The following FERMT1 variants were observed in gnomAD, a reference collection of about 807,000 sequenced individuals.
FERMT1 encodes fermitin family homolog 1.
In FERMT1, 60 loss-of-function variants were observed where a neutral mutation model predicts 85.3. The observed-to-expected ratio is 0.70, with a 90% confidence interval of 0.57 to 0.87. The LOEUF is 0.87. Among genes scored for constraint, FERMT1 ranks in the 40% least tolerant of loss-of-function variants. FERMT1 has a pLI of 0.00. For missense variants in FERMT1, 701 were observed against 818.9 expected (o/e 0.86, Z 1.76); for synonymous variants, 275 against 301.1 (o/e 0.91, Z 0.90).
chr20:6,079,371 A>G (rs1401445165), intron 14 of FERMT1, 65 bp downstream of exon 14: 1 of 1,511,444 alleles, frequency 6.6e-7, no homozygotes, highest in African/African-American at 1.4e-5. Flanking sequence ...ACTCAGAATA[A>G]TCTGCAATTC....
At chr20:6,085,827 C>T (rs376183847) in intron 11 of FERMT1, among the ~76,000 whole-genome samples, 5 of 145,700 alleles carry the variant, frequency 3.4e-5, no homozygotes, top group Non-Finnish European at 4.5e-5. Context: ...CGAGCCTGGG[C>T]GACAGAACAA....
chr20:6,100,798 AT>A (rs1982641064), intron 6 of FERMT1, among the ~76,000 whole-genome samples: 1 of 152,234 alleles, frequency 6.6e-6, no homozygotes, highest in Non-Finnish European at 1.5e-5. Context: ...ATGGTAAAAA[AT>A]ATCCTAAAGA....
At chr20:6,113,036 CA>C (rs1983001130) in intron 3 of FERMT1, among the ~76,000 whole-genome samples, 1 of 151,998 alleles carries the variant, frequency 6.6e-6, no homozygotes, top group African/African-American at 2.4e-5. Flanking sequence ...TGTCTCCACC[CA>C]AATCTCATCT....
chr20:6,088,626 CTTTTTT>C lies in FERMT1; in HGVS notation c.1264+333_1264+338del, dbSNP rs11475498. ...AACCCTGACTTTAATCTGCTCACCT[CTTTTTT>C]TTTTTTTTTTTTTGGAGACAGAGTC... On this transcript the variant is annotated intron_variant, in intron 10 of 14. Coordinates refer to ENST00000217289, the MANE Select transcript of FERMT1 (RefSeq NM_017671.5). Among the ~76,000 whole-genome samples, 245 of 121,176 alleles carry C rather than the reference CTTTTTT, an allele frequency of 2.0e-3. 2 individuals carry two copies. Among genetic ancestry groups the C allele is most frequent in the South Asian group, 6.5e-3 (22 of 3,380 alleles). The allele number at this position is 121,176 out of a possible 152,430, so 79.5% of individuals were successfully genotyped here.
intron 13 of FERMT1, among the ~76,000 whole-genome samples, chr20:6,080,178 G>A (rs1229407765): frequency 6.6e-6 from 1 of 152,134 alleles, no homozygotes; most frequent in Non-Finnish European, 1.5e-5. Context: ...TGTGCTTAAG[G>A]ACCTGCCAGG....
At chr20:6,120,716 A>C (rs1441287616) in intron 1 of FERMT1, among the ~76,000 whole-genome samples, 1 of 152,230 alleles carries the variant, frequency 6.6e-6, no homozygotes, top group Non-Finnish European at 1.5e-5. Flanking sequence ...CAATGCACTC[A>C]AACTCCTAAG....
chr20:6,120,460 G>A (rs1237796879), intron 1 of FERMT1: 1 of 152,168 alleles, frequency 6.6e-6, no homozygotes, highest in Non-Finnish European at 1.5e-5. Context: ...AGGAAAGAAC[G>A]TTCACAACTG....
intron 9 of FERMT1, 64 bp from the exon 10 acceptor site, chr20:6,089,153 T>C: frequency 6.6e-7 from 1 of 1,521,258 alleles, no homozygotes; most frequent in Non-Finnish European, 9.1e-7. Flanking sequence ...CGCTGCAGAT[T>C]TCAAGCAGAT....
chr20:6,083,949 ATATTC>A, intron 13 of FERMT1, 86 bp downstream of exon 13: 1 of 1,447,078 alleles, frequency 6.9e-7, no homozygotes, highest in Admixed American at 1.7e-5. Context: ...AAAGCATTCT[ATATTC>A]TATGCTAAAT....
At chr20:6,087,690 T>G in intron 11 of FERMT1, 87 bp downstream of exon 11, 1 of 782,608 alleles carries the variant, frequency 1.3e-6, no homozygotes, top group East Asian at 2.4e-5. Context: ...GACACAATAG[T>G]GCTCTAAATT....
At position 6,087,865 on chromosome 20, in the gene FERMT1, T is replaced by C. The variant is rs1024649221; in HGVS notation, c.1283A>G (p.Asp428Gly). ...AAATTTTCTTCCTGCTACATTTACA[T>C]CGGGCACAACTTCGCAGCCTGAAGG... ...LNLRGCEVVP[D>G]VNVAGRKFGI... The change falls in exon 11 of 15, where the codon GAT becomes GGT. Residue 428 changes from aspartate to glycine, a missense_variant. By Grantham distance (94) the Asp-to-Gly change is moderately conservative. Transcript: ENST00000217289. 2.5e-6 allele frequency: 4 copies of C among 1,608,966 alleles called. No individual in the cohort carries two copies. The African/African-American group carries it at 5.3e-5, about 22-fold the overall frequency.
chr20:6,078,082 G>A (rs1372466360), intron 14 of FERMT1, among the ~76,000 whole-genome samples: 2 of 152,196 alleles, frequency 1.3e-5, no homozygotes, highest in African/African-American at 4.8e-5. Context: ...CTAGAAGAAA[G>A]ACTTAGAGAC....
chr20:6,105,437 C>T (rs546544096), intron 6 of FERMT1, among the ~76,000 whole-genome samples: 20 of 152,176 alleles, frequency 1.3e-4, no homozygotes, highest in Non-Finnish European at 2.8e-4. Flanking sequence ...TGCTAAACCA[C>T]AGCATTGCAG....
intron 7 of FERMT1, 86 bp from the exon 8 acceptor site, chr20:6,097,119 G>T (rs1982526093): frequency 7.4e-7 from 1 of 1,342,702 alleles, no homozygotes; most frequent in South Asian, 1.2e-5. Context: ...TTTTCTTTGA[G>T]GACTATTCCC....
chr20:6,112,766 A>T (rs1221373633), intron 3 of FERMT1, 143 bp from the exon 4 acceptor site: 4 of 580,530 alleles, frequency 6.9e-6, no homozygotes, highest in African/African-American at 5.6e-5. Context: ...CTTTTGAAGA[A>T]ACAGAAGGGG....
chr20:6,077,434 G>A, intron 14 of FERMT1, 88 bp from the exon 15 acceptor site: 3 of 1,293,930 alleles, frequency 2.3e-6, no homozygotes, highest in Non-Finnish European at 3.3e-6. Context: ...CTGGAGCTGA[G>A]GGCTGCTGAG....
rs1286714294 is a variant in FERMT1, at chr20:6,085,307, G to A, written c.1372-20C>T. On this transcript the variant is annotated intron_variant, in intron 11 of 14. Transcript: ENST00000217289. ...ATTCTCCTGCAGCAAACAGAAGGTT[G>A]AGAAGCAAGCTCAAGTGCAAAGCCC... is the stretch of plus-strand genomic sequence containing the variant. The A allele has an allele frequency of 6.2e-7, 1 of 1,610,166 alleles. No homozygotes were observed. The highest frequency in any genetic ancestry group is 8.5e-7 in the Non-Finnish European group (1 of 1,177,820).
intron 3 of FERMT1, 114 bp from the exon 4 acceptor site, chr20:6,112,737 A>T: frequency 2.7e-6 from 2 of 742,812 alleles, no homozygotes; most frequent in Non-Finnish European, 4.2e-6. Flanking sequence ...TGAAAAGTAA[A>T]TGGGACTAAA....
At chr20:6,119,756 T>C (rs2123158528) in intron 1 of FERMT1, among the ~76,000 whole-genome samples, 184 bp from the exon 2 acceptor site, 1 of 152,314 alleles carries the variant, frequency 6.6e-6, no homozygotes, top group East Asian at 1.9e-4. Flanking sequence ...AGACAAAAAG[T>C]TTTATAAAAA....
Sources: gnomAD v4.1 joint callset for allele counts (sites outside exome capture counted in the v4.1 genomes callset) on GRCh38, gnomAD v4.1.1 for gene constraint, MANE v1.5 for transcripts, NCBI Gene and HGNC (gene_info 2026-07-23, HGNC 2026-07-21) for gene names.